Variants in ABL2 observed in about 807,000 individuals in gnomAD.
ABL2 encodes the protein ABL proto-oncogene 2, non-receptor tyrosine kinase.
A neutral mutation model predicts 107.7 loss-of-function variants in ABL2; 49 were observed. That is an observed-to-expected ratio of 0.45 (90% confidence interval 0.36 to 0.58). The LOEUF (loss-of-function observed/expected upper bound fraction) is 0.58, where lower values mean the gene tolerates loss of function less well. ABL2 is among the 20% of genes least tolerant of loss of function. ABL2 has a pLI of 0.00. For synonymous variants in ABL2, 549 were observed against 548.6 expected (o/e 1.00, Z -0.01); for missense variants, 1,245 against 1,457.0 (o/e 0.85, Z 2.37).
intron 1 of ABL2, among the ~76,000 whole-genome samples, chr1:179,176,118 G>T (rs1269011103): frequency 6.6e-6 from 1 of 151,960 alleles, no homozygotes; most frequent in Non-Finnish European, 1.5e-5. Flanking sequence ...GCCTCCCAAA[G>T]TGCTGGGATT....
intron 1 of ABL2, among the ~76,000 whole-genome samples, chr1:179,138,500 G>A (rs1048590677): frequency 1.3e-5 from 2 of 152,200 alleles, no homozygotes; most frequent in African/African-American, 2.4e-5. Flanking sequence ...ATATAAAGAT[G>A]AGAAATCACT....
chr1:179,108,689 G>C lies in ABL2; in HGVS notation c.2578C>G (p.Leu860Val), dbSNP rs889523490. 1 of 1,614,176 alleles carries C rather than the reference G, an allele frequency of 6.2e-7. No homozygotes were observed. Among genetic ancestry groups the C allele is most frequent in the African/African-American group, 1.3e-5 (1 of 75,060 alleles). Residue 860 changes from leucine to valine, a missense_variant, in exon 12 of 12, where the codon CTT (leucine) becomes GTT (valine). Transcript: ENST00000502732. ...AKLLPRGATA[L>V]PLRTPSGDLA... ...TCCCCAGAGGGTGTTCTGAGAGGAA[G>C]AGCTGTGGCTCCTCTGGGCAATAAC...
intron 1 of ABL2, among the ~76,000 whole-genome samples, chr1:179,168,955 G>C (rs996009807): frequency 6.6e-6 from 1 of 152,124 alleles, no homozygotes; most frequent in African/African-American, 2.4e-5. Flanking sequence ...GTCAAGACTT[G>C]CATTTCTCCA....
At chr1:179,128,294 G>A (rs937795965) in intron 3 of ABL2, among the ~76,000 whole-genome samples, 7 of 152,030 alleles carry the variant, frequency 4.6e-5, no homozygotes, top group East Asian at 3.9e-4. Context: ...TGGTGTAGCG[G>A]TGGATATGCA....
chr1:179,169,137 A>T (rs1328443735), intron 1 of ABL2, among the ~76,000 whole-genome samples: 1 of 152,146 alleles, frequency 6.6e-6, no homozygotes, highest in African/African-American at 2.4e-5. Flanking sequence ...TGAAAATCAT[A>T]AAATAGAAAT....
At chr1:179,186,938 T>C (rs942208425) in intron 1 of ABL2, among the ~76,000 whole-genome samples, 2 of 152,144 alleles carry the variant, frequency 1.3e-5, no homozygotes, top group Admixed American at 6.5e-5. Context: ...GGTTATGTCA[T>C]GTTGGCCAGG....
intron 1 of ABL2, among the ~76,000 whole-genome samples, chr1:179,141,971 G>A (rs1285399771): frequency 3.9e-5 from 6 of 152,230 alleles, no homozygotes; most frequent in Admixed American, 3.9e-4. Flanking sequence ...GGAAGAGCAA[G>A]TAAATGTCAG....
chr1:179,151,729 T>C (rs762358438), intron 1 of ABL2, among the ~76,000 whole-genome samples: 10 of 152,238 alleles, frequency 6.6e-5, no homozygotes, highest in Admixed American at 2.0e-4. Context: ...TAAGTAACTA[T>C]AATTCATTGA....
chr1:179,218,741 A>G (rs771318946), intron 1 of ABL2, among the ~76,000 whole-genome samples: 1 of 152,178 alleles, frequency 6.6e-6, no homozygotes, highest in African/African-American at 2.4e-5. Flanking sequence ...TTCTCAAAGC[A>G]TGGTCCCCAA....
chr1:179,190,650 C>A (rs1443334107), intron 1 of ABL2, among the ~76,000 whole-genome samples: 1 of 152,032 alleles, frequency 6.6e-6, no homozygotes. Flanking sequence ...AAGCCCCAAC[C>A]TTCTAATCAC....
In ABL2 at chr1:179,178,382, A is replaced by T. The variant is rs1389756624; in HGVS notation, c.158-45008T>A. ...CCGCCACTGCATTCCAGACTGGGTG[A>T]CAGAGCAAGACTCTGCCTCAAAAAA... On this transcript the variant is annotated intron_variant, in intron 1 of 11. Coordinates refer to ENST00000502732, the MANE Select transcript of ABL2 (RefSeq NM_007314.4). 7.5e-5 allele frequency among the ~76,000 whole-genome samples: 9 copies of T among 120,256 alleles called. No homozygotes were observed. The Admixed American group carries it at 8.1e-4, about 11-fold the overall frequency. 78.9% of individuals were successfully genotyped at this position (120,256 alleles called of 152,430 possible).
In ABL2 at chr1:179,108,393, G is replaced by T; in HGVS notation, c.2874C>A (p.Phe958Leu). The change falls in exon 12 of 12, where the codon TTC (phenylalanine) becomes TTA (leucine). Residue 958 changes from phenylalanine (F) to leucine (L), a missense_variant. By Grantham distance (22) the Phe-to-Leu change is conservative. Coordinates refer to ENST00000502732, the MANE Select transcript of ABL2 (RefSeq NM_007314.4). ...TGACCTGATGCTCAGATAAGAGCTTGAATTTATTCCCCTGAGAGTCTGTGC... is the reference window on the plus strand; with the variant it reads ...TGACCTGATGCTCAGATAAGAGCTTTAATTTATTCCCCTGAGAGTCTGTGC... ...LIGTDSQGNKFKLLSEHQVTS... is the reference protein window; with the variant it reads ...LIGTDSQGNKLKLLSEHQVTS... The T allele has an allele frequency of 3.7e-6, 6 of 1,614,240 alleles. No individual in the cohort carries two copies. Among genetic ancestry groups the T allele is most frequent in the Non-Finnish European group, 5.1e-6 (6 of 1,180,038 alleles).
Position 179,108,183 on chromosome 1 carries a change from G to A in ABL2, c.3084C>T (p.Gly1028=), listed in dbSNP as rs776713584. 9.9e-6 allele frequency: 16 copies of A among 1,614,056 alleles called. No individual in the cohort carries two copies. The highest frequency in any genetic ancestry group is 5.5e-5 in the South Asian group (5 of 91,084). ...TQEGGKKAAL[G]AVPISGKAGR... is the part of the protein sequence containing the mutation. ...CAGCTTTCCCACTGATGGGCACTGC[G>A]CCCAGAGCTGCCTTCTTTCCTCCTT... Residue 1028 remains glycine (G), a synonymous_variant, in exon 12 of 12, where the codon GGC becomes GGT. Transcript: ENST00000502732.
rs1653043432 is a variant in ABL2 at position 179,100,986 on chromosome 1, G to T, written c.*6732C>A. ...GGAGGGAAGGGTCCGGCGAGACCTCGCCAGGTGGGCTTGAGAAACGCAGCA... is the reference window on the plus strand; with the variant it reads ...GGAGGGAAGGGTCCGGCGAGACCTCTCCAGGTGGGCTTGAGAAACGCAGCA... On this transcript the variant is annotated 3_prime_UTR_variant, in exon 12 of 12. Transcript: ENST00000502732. 1 of 232,728 alleles carries T rather than the reference G, an allele frequency of 4.3e-6. No homozygotes were observed. Among genetic ancestry groups the T allele is most frequent in the Admixed American group, 5.6e-5 (1 of 17,774 alleles). The allele number at this position is 232,728 out of a possible 1,614,324, so 14.4% of individuals were successfully genotyped here.
chr1:179,141,921 A>G (rs562511139), intron 1 of ABL2, among the ~76,000 whole-genome samples: 1 of 152,378 alleles, frequency 6.6e-6, no homozygotes, highest in South Asian at 2.1e-4. Context: ...GGAACAAGAT[A>G]AGGGATAAAG....
intron 1 of ABL2, among the ~76,000 whole-genome samples, chr1:179,161,724 C>T (rs1018459032): frequency 2.6e-5 from 4 of 152,064 alleles, no homozygotes; most frequent in South Asian, 2.1e-4. Flanking sequence ...AAAGAAATAA[C>T]GAGTACTTAT....
intron 4 of ABL2, among the ~76,000 whole-genome samples, chr1:179,123,426 A>G (rs1235968790): frequency 6.6e-6 from 1 of 151,948 alleles, no homozygotes; most frequent in Admixed American, 6.6e-5. Context: ...GATTGCTTGA[A>G]CCTGGGAGGT....
chr1:179,198,929 C>T (rs1571302648), intron 1 of ABL2, among the ~76,000 whole-genome samples: 1 of 150,758 alleles, frequency 6.6e-6, no homozygotes, highest in Non-Finnish European at 1.5e-5. Flanking sequence ...GCAACCTCTG[C>T]CTCCCAGGTC....
intron 1 of ABL2, among the ~76,000 whole-genome samples, chr1:179,195,676 A>T (rs1661269430): frequency 6.6e-6 from 1 of 152,184 alleles, no homozygotes; most frequent in Non-Finnish European, 1.5e-5. Context: ...GGCTACATAC[A>T]CACCATTAAA....
Sources: gnomAD v4.1 joint callset for allele counts (sites outside exome capture counted in the v4.1 genomes callset) on GRCh38, gnomAD v4.1.1 for gene constraint, MANE v1.5 for transcripts, NCBI Gene and HGNC (gene_info 2026-07-23, HGNC 2026-07-21) for gene names.